The following NREP variants were observed in gnomAD, a reference collection of about 807,000 sequenced individuals.
NREP encodes the protein neuronal regeneration-related protein.
NREP carries 5 observed loss-of-function variants against 8.6 expected under a neutral mutation model. The ratio of observed to expected loss-of-function variants is 0.58; its 90% CI spans 0.30 to 1.22. The LOEUF is 1.22. Among genes scored for constraint, NREP ranks in the 50% most tolerant of loss-of-function variants. NREP has a pLI of 0.07. For synonymous variants in NREP, 27 were observed against 28.0 expected, an observed-to-expected ratio of 0.96 and a Z score of 0.11; for missense variants, 86 against 82.5, an observed-to-expected ratio of 1.04 and a Z score of -0.17.
intron 2 of NREP, among the ~76,000 whole-genome samples, chr5:111,862,233 T>C (rs4957623): frequency 0.15 from 22,179 of 152,226 alleles, 2,034 homozygotes; most frequent in Non-Finnish European, 0.2. Context: ...CATTTATCCA[T>C]GCACAAATCA....
At chr5:111,917,927 T>C (rs1213669948) in intron 2 of NREP, among the ~76,000 whole-genome samples, 2 of 152,170 alleles carry the variant, frequency 1.3e-5, no homozygotes, top group Admixed American at 6.6e-5. Flanking sequence ...TTGTCTCTGT[T>C]TGCAGATGAC....
chr5:111,732,145 T>A (rs564297942), intron 3 of NREP: 1 of 152,162 alleles, frequency 6.6e-6, no homozygotes, highest in African/African-American at 2.4e-5. Flanking sequence ...ATAAGCCAGT[T>A]TGACTAGATG....
upstream of NREP, among the ~76,000 whole-genome samples, chr5:111,762,058 A>G (rs1750972199): frequency 6.6e-6 from 1 of 152,186 alleles, no homozygotes; most frequent in Admixed American, 6.5e-5. Flanking sequence ...AGAGTAATTC[A>G]CATGAGTAAA....
At chr5:111,909,383 T>G (rs1366347812) in intron 2 of NREP, among the ~76,000 whole-genome samples, 3 of 152,112 alleles carry the variant, frequency 2.0e-5, no homozygotes, top group Non-Finnish European at 2.9e-5. Flanking sequence ...GGTTGCATAT[T>G]TGGAGTTGGT....
At chr5:111,835,609 G>A (rs146677036) in intron 2 of NREP, among the ~76,000 whole-genome samples, 1 of 152,032 alleles carries the variant, frequency 6.6e-6, no homozygotes, top group Non-Finnish European at 1.5e-5. Flanking sequence ...AGCAAGGGAG[G>A]TCAACCAAGA....
At chr5:111,851,485 G>T (rs1001229611) in intron 2 of NREP, among the ~76,000 whole-genome samples, 2 of 152,160 alleles carry the variant, frequency 1.3e-5, no homozygotes, top group Non-Finnish European at 2.9e-5. Context: ...TATAAAGAGA[G>T]AAAGAGAGAG....
chr5:111,879,779 C>T (rs1204478905), intron 2 of NREP, among the ~76,000 whole-genome samples: 1 of 152,126 alleles, frequency 6.6e-6, no homozygotes, highest in African/African-American at 2.4e-5. Flanking sequence ...TCCTGACTTG[C>T]AGAAAGCCAA....
At chr5:111,761,837 C>T (rs1479905218), upstream of NREP, among the ~76,000 whole-genome samples, 1 of 152,080 alleles carries the variant, frequency 6.6e-6, no homozygotes, top group African/African-American at 2.4e-5. Context: ...CTAAGTTCAA[C>T]CAATCAGACC....
chr5:111,809,870 CGTGTGTGTGTGT>C (rs3223253), intron 2 of NREP, among the ~76,000 whole-genome samples: 45 of 144,202 alleles, frequency 3.1e-4, no homozygotes, highest in East Asian at 1.0e-3. Flanking sequence ...GGGACTTTGG[CGTGTGTGTGTGT>C]GTGTGTGTGT....
At chr5:111,945,532 A>T (rs112582726) in intron 2 of NREP, among the ~76,000 whole-genome samples, 55 of 7,392 alleles carry the variant, frequency 7.4e-3, no homozygotes, top group African/African-American at 0.012. Flanking sequence ...AGGAAAAAGA[A>T]GAAAAAATGA....
rs181130260 is a variant in NREP, at chr5:111,811,843, C to A, written c.136-76336G>T. On this transcript the variant is annotated intron_variant, in intron 2 of 3. Coordinates refer to the NREP transcript ENST00000395634. Reference sequence around the variant, plus strand: ...TGATCTGATCCTTTCTCAGCCTTATCCTCACTGATACTGAGTCCCAGAGAA... The same window carrying A: ...TGATCTGATCCTTTCTCAGCCTTATACTCACTGATACTGAGTCCCAGAGAA... Among the ~76,000 whole-genome samples the A allele has an allele frequency of 1.9e-3, 291 of 152,144 alleles. 2 individuals are homozygous for A. The highest frequency in any genetic ancestry group is 3.0e-3 in the Non-Finnish European group (206 of 67,990).
intron 2 of NREP, among the ~76,000 whole-genome samples, chr5:111,855,987 A>T: frequency 6.6e-6 from 1 of 152,226 alleles, no homozygotes; most frequent in East Asian, 1.9e-4. Context: ...GAGCATGGAC[A>T]GACCCTGGGT....
chr5:111,865,068 G>A (rs540708277), intron 2 of NREP, among the ~76,000 whole-genome samples: 1 of 152,176 alleles, frequency 6.6e-6, no homozygotes, highest in East Asian at 1.9e-4. Flanking sequence ...GTGTGTACCT[G>A]CCTCGTTCTG....
intron 2 of NREP, among the ~76,000 whole-genome samples, chr5:111,956,923 C>A (rs1275026522): frequency 6.6e-6 from 1 of 151,636 alleles, no homozygotes; most frequent in Non-Finnish European, 1.5e-5. Flanking sequence ...GAGATTGCAC[C>A]ACTGCACTCC....
chr5:111,920,785 C>T (rs975596189), intron 2 of NREP, among the ~76,000 whole-genome samples: 2 of 152,080 alleles, frequency 1.3e-5, no homozygotes, highest in African/African-American at 2.4e-5. Context: ...ATAAAAAAGG[C>T]GGGGCAGAAC....
chr5:111,943,513 G>T (rs563362448), intron 2 of NREP, among the ~76,000 whole-genome samples: 1 of 152,030 alleles, frequency 6.6e-6, no homozygotes, highest in Admixed American at 6.6e-5. Context: ...CCAGAACTTT[G>T]TATTATAGAT....
At chr5:111,799,596 C>G (rs946584089) in intron 2 of NREP, among the ~76,000 whole-genome samples, 2 of 152,094 alleles carry the variant, frequency 1.3e-5, no homozygotes, top group Non-Finnish European at 2.9e-5. Context: ...TTTTAATCTG[C>G]TGTTGTATTG....
chr5:111,742,662 T>C (rs555677376), intron 2 of NREP, among the ~76,000 whole-genome samples: 22 of 152,094 alleles, frequency 1.4e-4, no homozygotes, highest in Non-Finnish European at 3.1e-4. Flanking sequence ...AACCATTCAT[T>C]ACGTGAGTTT....
chr5:111,818,436 G>A (rs1752442632), intron 2 of NREP, among the ~76,000 whole-genome samples: 1 of 152,164 alleles, frequency 6.6e-6, no homozygotes, highest in African/African-American at 2.4e-5. Flanking sequence ...TAATTATTCT[G>A]CTAATATTTT....
Sources: allele counts gnomAD v4.1 joint callset (sites outside exome capture counted in the v4.1 genomes callset), GRCh38; gene constraint gnomAD v4.1.1; transcripts MANE v1.5; gene names NCBI Gene and HGNC (gene_info 2026-07-23, HGNC 2026-07-21).